The following CAMK2D variants were observed in gnomAD, a reference collection of about 807,000 sequenced individuals.
The protein encoded by CAMK2D is calcium/calmodulin dependent protein kinase II delta.
In CAMK2D, 37 loss-of-function variants were observed where a neutral mutation model predicts 84.0. The observed-to-expected ratio is 0.44, with a 90% CI of 0.34 to 0.58. CAMK2D has a LOEUF of 0.58. Ranked by LOEUF, CAMK2D falls within the 20% of genes least tolerant of loss-of-function variation. The probability of loss-of-function intolerance (pLI) is 0.02; values close to 1 mark genes in which losing one functional copy is unlikely to be tolerated. For missense variants in CAMK2D, 448 were observed against 652.5 expected, an observed-to-expected ratio of 0.69 and a Z score of 3.41; for synonymous variants, 202 against 212.5, an observed-to-expected ratio of 0.95 and a Z score of 0.43.
intron 4 of CAMK2D, among the ~76,000 whole-genome samples, chr4:113,576,021 C>A (rs981182305): frequency 5.3e-5 from 8 of 152,104 alleles, no homozygotes; most frequent in African/African-American, 1.9e-4. Flanking sequence ...TCGGTCATCA[C>A]TTATTAAGCT....
chr4:113,700,216 G>C (rs1037830074), intron 2 of CAMK2D, among the ~76,000 whole-genome samples: 1 of 152,086 alleles, frequency 6.6e-6, no homozygotes, highest in African/African-American at 2.4e-5. Flanking sequence ...AGGGTTATGG[G>C]TTATTTTTAA....
chr4:113,585,195 C>G (rs1472614491), intron 4 of CAMK2D, among the ~76,000 whole-genome samples: 1 of 152,144 alleles, frequency 6.6e-6, no homozygotes, highest in Non-Finnish European at 1.5e-5. Flanking sequence ...ATTAAATTAT[C>G]TATAGGTAAA....
chr4:113,529,487 C>G (rs2098443867), intron 8 of CAMK2D, among the ~76,000 whole-genome samples: 1 of 152,172 alleles, frequency 6.6e-6, no homozygotes, highest in Non-Finnish European at 1.5e-5. Context: ...TAAAGCCAAA[C>G]TATGATAGTT....
chr4:113,542,583 C>T (rs56189371), intron 6 of CAMK2D, among the ~76,000 whole-genome samples: 5,090 of 151,912 alleles, frequency 0.034, 282 homozygotes, highest in African/African-American at 0.11. Context: ...GGCATGGTGG[C>T]GGGCGCCTGT....
At chr4:113,655,149 T>G (rs2099193265) in intron 3 of CAMK2D, among the ~76,000 whole-genome samples, 1 of 152,094 alleles carries the variant, frequency 6.6e-6, no homozygotes, top group South Asian at 2.1e-4. Context: ...ATATTTTCTC[T>G]GCTTTACAAA....
intron 3 of CAMK2D, among the ~76,000 whole-genome samples, chr4:113,610,981 A>C (rs2098997681): frequency 6.6e-6 from 1 of 151,982 alleles, no homozygotes; most frequent in Non-Finnish European, 1.5e-5. Context: ...TTGAGCATTT[A>C]CTATAGAAGG....
intron 2 of CAMK2D, among the ~76,000 whole-genome samples, chr4:113,686,727 A>G (rs1332719254): frequency 6.6e-6 from 1 of 152,172 alleles, no homozygotes; most frequent in Non-Finnish European, 1.5e-5. Context: ...TTGAGAAAAA[A>G]GCCATCAGCC....
intron 3 of CAMK2D, among the ~76,000 whole-genome samples, chr4:113,655,298 C>A (rs921042194): frequency 1.3e-5 from 2 of 152,012 alleles, no homozygotes; most frequent in Non-Finnish European, 2.9e-5. Flanking sequence ...TTATCTGTTA[C>A]ACTTTGTAGT....
intron 2 of CAMK2D, among the ~76,000 whole-genome samples, chr4:113,697,866 T>C (rs945908136): frequency 6.6e-6 from 1 of 152,098 alleles, no homozygotes; most frequent in African/African-American, 2.4e-5. Context: ...AGAACCCACC[T>C]TCTTCCTTTC....
At chr4:113,495,372 G>T (rs577510567) in intron 16 of CAMK2D, among the ~76,000 whole-genome samples, 140 of 152,120 alleles carry the variant, frequency 9.2e-4, no homozygotes, top group Non-Finnish European at 1.4e-3. Flanking sequence ...TGCAAGACAA[G>T]TCCTGAAATA....
At chr4:113,454,689 A>G (rs2097284356) in intron 20 of CAMK2D, among the ~76,000 whole-genome samples, 174 bp from the exon 21 acceptor site, 1 of 152,216 alleles carries the variant, frequency 6.6e-6, no homozygotes, top group Admixed American at 6.5e-5. Flanking sequence ...GAAACATACA[A>G]TGTTACACAA....
intron 3 of CAMK2D, among the ~76,000 whole-genome samples, chr4:113,624,642 T>C (rs1416096761): frequency 6.6e-6 from 1 of 152,172 alleles, no homozygotes; most frequent in Non-Finnish European, 1.5e-5. Context: ...AATCTGGTGG[T>C]GTATTTCTGG....
Position 113,709,745 on chromosome 4 carries a change from C to CTATATA in CAMK2D, c.161-47974_161-47973insTATATA, listed in dbSNP as rs1554070590. 1.5e-3 allele frequency among the ~76,000 whole-genome samples: 38 copies of CTATATA among 24,636 alleles called. 1 individual carries two copies. The highest frequency in any genetic ancestry group is 8.9e-3 in the African/African-American group (36 of 4,038). The allele number at this position is 24,636 out of a possible 152,430, so 16.2% of individuals were successfully genotyped here. ...AGAGTGAAAAGCTAAAAGCCGTGAA[C>CTATATA]GATATATATATATATATATATATAT... On this transcript the variant is annotated intron_variant, in intron 2 of 20. Coordinates refer to ENST00000511664, the MANE Select transcript of CAMK2D (RefSeq NM_001321571.2).
intron 16 of CAMK2D, among the ~76,000 whole-genome samples, chr4:113,500,257 AAAG>A (rs1158938458): frequency 2.6e-5 from 4 of 152,152 alleles, no homozygotes; most frequent in Non-Finnish European, 5.9e-5. Context: ...AAAATATATA[AAAG>A]AATATGTAGG....
intron 2 of CAMK2D, among the ~76,000 whole-genome samples, chr4:113,751,075 A>G (rs1348671162): frequency 6.6e-6 from 1 of 152,184 alleles, no homozygotes; most frequent in African/African-American, 2.4e-5. Context: ...TGGGATGGTG[A>G]AAAGGAAGAA....
chr4:113,577,852 C>T (rs2098790960), intron 4 of CAMK2D, among the ~76,000 whole-genome samples: 1 of 151,834 alleles, frequency 6.6e-6, no homozygotes, highest in South Asian at 2.1e-4. Context: ...TTGGACATTT[C>T]AGACAAGACT....
chr4:113,457,478 T>C lies in CAMK2D; in HGVS notation c.1392A>G (p.Ala464=). The change falls in exon 19 of 21, where the codon GCA becomes GCG. Residue 464 remains alanine (A), a synonymous_variant. Coordinates refer to ENST00000511664, the MANE Select transcript of CAMK2D (RefSeq NM_001321571.2). ...CCATGTACTGTGTGAGCCTAATATA[T>C]GCTATGCAGGCGGCATCATCCCCTA... ...HLVGDDAACI[A]YIRLTQYMDG... The C allele has an allele frequency of 6.2e-7, 1 of 1,613,756 alleles. No individual in the cohort carries two copies. Among genetic ancestry groups the C allele is most frequent in the Non-Finnish European group, 8.5e-7 (1 of 1,179,690 alleles).
chr4:113,661,026 A>ACCTCGTGATC (rs2099228899), intron 3 of CAMK2D, among the ~76,000 whole-genome samples: 1 of 149,204 alleles, frequency 6.7e-6, no homozygotes, highest in Non-Finnish European at 1.5e-5. Context: ...CCATCTCCTG[A>ACCTCGTGATC]CCTCGTGATC....
At chr4:113,683,258 T>G (rs2099350800) in intron 2 of CAMK2D, among the ~76,000 whole-genome samples, 1 of 152,086 alleles carries the variant, frequency 6.6e-6, no homozygotes, top group Non-Finnish European at 1.5e-5. Flanking sequence ...CTATCTCAAG[T>G]GGGTGTAATG....
Sources: gnomAD v4.1 joint callset for allele counts (sites outside exome capture counted in the v4.1 genomes callset) on GRCh38, gnomAD v4.1.1 for gene constraint, MANE v1.5 for transcripts, NCBI Gene and HGNC (gene_info 2026-07-23, HGNC 2026-07-21) for gene names.